NPR3: variants seen among roughly 807,000 people sequenced by gnomAD.
The protein encoded by NPR3 is atrial natriuretic peptide receptor 3.
NPR3 carries 34 observed loss-of-function variants against 54.5 expected under a neutral mutation model. That is an observed-to-expected ratio of 0.62 (90% CI 0.47 to 0.83). The LOEUF is 0.83. Among genes scored for constraint, NPR3 ranks in the 40% least tolerant of loss-of-function variants. The pLI is 0.00. For synonymous variants in NPR3, 289 were observed against 297.1 expected (o/e 0.97, Z 0.28); for missense variants, 674 against 720.8 (o/e 0.94, Z 0.74).
At chr5:32,725,108 A>G (rs1181776983) in intron 2 of NPR3, among the ~76,000 whole-genome samples, 4 of 151,660 alleles carry the variant, frequency 2.6e-5, no homozygotes, top group South Asian at 2.1e-4. Context: ...AACAATAGAC[A>G]CTGGGGACTT....
rs1164214615 is a variant in NPR3 at position 32,727,542 on chromosome 5, A to G, written c.892+2722A>G. 2.0e-5 allele frequency among the ~76,000 whole-genome samples: 3 copies of G among 152,138 alleles called. No homozygotes were observed. The East Asian group carries it at 5.8e-4, about 29-fold the overall frequency. On this transcript the variant is annotated intron_variant, in intron 2 of 7. Coordinates refer to ENST00000265074, the MANE Select transcript of NPR3 (RefSeq NM_001204375.2). Reference sequence around the variant, plus strand: ...TATAATCTTTTACCTTATTTTATTTAATTGAATTTCTTTTTATGTTTATAA... The same window carrying G: ...TATAATCTTTTACCTTATTTTATTTGATTGAATTTCTTTTTATGTTTATAA...
chr5:32,709,160 C>T (rs1738085265), upstream of NPR3, among the ~76,000 whole-genome samples: 1 of 152,028 alleles, frequency 6.6e-6, no homozygotes, highest in Admixed American at 6.6e-5. Flanking sequence ...CCAGACTCTC[C>T]GCATAAACCC....
intron 1 of NPR3, among the ~76,000 whole-genome samples, chr5:32,719,936 T>C (rs1738766169): frequency 6.6e-6 from 1 of 152,184 alleles, no homozygotes; most frequent in African/African-American, 2.4e-5. Flanking sequence ...ATCCCTCTTT[T>C]CCTTCTAAAT....
intron 1 of NPR3, among the ~76,000 whole-genome samples, chr5:32,718,632 T>C (rs1303741702): frequency 2.6e-5 from 4 of 152,248 alleles, no homozygotes; most frequent in Non-Finnish European, 5.9e-5. Flanking sequence ...AGTTCACTTA[T>C]GATTTGGCTC....
chr5:32,782,665 C>G (rs560953395), intron 5 of NPR3, among the ~76,000 whole-genome samples: 1 of 152,252 alleles, frequency 6.6e-6, no homozygotes, highest in African/African-American at 2.4e-5. Context: ...GTGAAGTCCC[C>G]AGAACACACC....
At chr5:32,736,712 G>A (rs527860292) in intron 2 of NPR3, among the ~76,000 whole-genome samples, 1 of 152,274 alleles carries the variant, frequency 6.6e-6, no homozygotes, top group Admixed American at 6.5e-5. Flanking sequence ...GTTTTTGCCT[G>A]CCTGGTGGCT....
rs777029175 is a variant in NPR3, at chr5:32,789,685, T to C, written c.*3340T>C. 2 of 534,764 alleles carry C rather than the reference T, an allele frequency of 3.7e-6. No individual in the cohort carries two copies. Among genetic ancestry groups the C allele is most frequent in the South Asian group, 2.8e-5 (2 of 71,592 alleles). 33.1% of individuals were successfully genotyped at this position (534,764 alleles called of 1,614,324 possible). ...ATGTGCCTTCTTTGCCCCAAATGCA[T>C]CACTTTCCTTTTAGTTATGGCTGAT... On this transcript the variant is annotated 3_prime_UTR_variant, in exon 8 of 8. Coordinates refer to ENST00000265074, the MANE Select transcript of NPR3 (RefSeq NM_001204375.2).
intron 3 of NPR3, among the ~76,000 whole-genome samples, chr5:32,762,675 GTTGT>G (rs1368137583): frequency 1.1e-4 from 16 of 152,064 alleles, no homozygotes; most frequent in African/African-American, 3.4e-4. Context: ...TTTTCATGGG[GTTGT>G]TTGTTTTTTT....
chr5:32,721,196 C>A (rs1738840381), intron 1 of NPR3, among the ~76,000 whole-genome samples: 1 of 152,200 alleles, frequency 6.6e-6, no homozygotes, highest in African/African-American at 2.4e-5. Context: ...TTGGTTCATT[C>A]AAGAAAGACA....
intron 3 of NPR3, among the ~76,000 whole-genome samples, chr5:32,762,136 C>T (rs2112015975): frequency 6.6e-6 from 1 of 152,212 alleles, no homozygotes; most frequent in South Asian, 2.1e-4. Context: ...CCTTTTTTTA[C>T]AGCTGCATAG....
upstream of NPR3, among the ~76,000 whole-genome samples, chr5:32,708,054 T>C (rs1203676389): frequency 2.7e-5 from 4 of 149,658 alleles, no homozygotes; most frequent in African/African-American, 7.3e-5. Context: ...GGATATTAAG[T>C]AAAACATTTC....
At chr5:32,748,611 C>A (rs1740421488) in intron 3 of NPR3, among the ~76,000 whole-genome samples, 1 of 152,148 alleles carries the variant, frequency 6.6e-6, no homozygotes, top group African/African-American at 2.4e-5. Flanking sequence ...GTGCTAGTCT[C>A]CCACCAGTGC....
rs1022882634 is a variant in NPR3 at position 32,790,297 on chromosome 5, A to C, written c.*3952A>C. Reference sequence around the variant, plus strand: ...AATCAGAAGCTTGATCCTCTAACAGAAATAGAAGAGGGTAGCTTTGCCCAT... The same window carrying C: ...AATCAGAAGCTTGATCCTCTAACAGCAATAGAAGAGGGTAGCTTTGCCCAT... On this transcript the variant is annotated 3_prime_UTR_variant, in exon 8 of 8. Coordinates refer to ENST00000265074, the MANE Select transcript of NPR3 (RefSeq NM_001204375.2). The C allele has an allele frequency of 1.2e-5, 2 of 161,006 alleles. No homozygotes were observed. Among genetic ancestry groups the C allele is most frequent in the East Asian group, 3.8e-4 (2 of 5,262 alleles). 10.0% of individuals were successfully genotyped at this position (161,006 alleles called of 1,614,324 possible). A position where few individuals can be genotyped will look rare whatever the true frequency, so the allele number is the denominator to read the frequency against.
chr5:32,759,966 G>A (rs1342313606), intron 3 of NPR3, among the ~76,000 whole-genome samples: 3 of 152,118 alleles, frequency 2.0e-5, no homozygotes, highest in Non-Finnish European at 4.4e-5. Context: ...CGTTTCTGCT[G>A]AGAGATTCGC....
Position 32,786,922 on chromosome 5 carries a change from C to A in NPR3, c.*577C>A, listed in dbSNP as rs974101928. On this transcript the variant is annotated 3_prime_UTR_variant, in exon 8 of 8. Coordinates refer to ENST00000265074, the MANE Select transcript of NPR3 (RefSeq NM_001204375.2). ...TCTTGAAAAAGGATTTCCTCCCTGT[C>A]TTTTTCAGTGTCTCATAAACGCTAC... 1.3e-5 allele frequency: 2 copies of A among 152,128 alleles called. No individual in the cohort carries two copies. Among genetic ancestry groups the A allele is most frequent in the African/African-American group, 4.9e-5 (2 of 40,856 alleles). The allele number at this position is 152,128 out of a possible 1,614,324, so 9.4% of individuals were successfully genotyped here.
chr5:32,742,285 GTT>G (rs1461831572), intron 3 of NPR3, among the ~76,000 whole-genome samples: 2 of 151,946 alleles, frequency 1.3e-5, no homozygotes, highest in African/African-American at 4.8e-5. Context: ...TGACAGTTTT[GTT>G]TCTTTTAAAT....
chr5:32,751,532 G>A (rs779584800), intron 3 of NPR3, among the ~76,000 whole-genome samples: 13 of 152,220 alleles, frequency 8.5e-5, no homozygotes, highest in Non-Finnish European at 1.3e-4. Context: ...TGAGCAGGGG[G>A]TGATTTTATA....
At chr5:32,751,385 T>C (rs1740565992) in intron 3 of NPR3, among the ~76,000 whole-genome samples, 1 of 152,210 alleles carries the variant, frequency 6.6e-6, no homozygotes, top group Non-Finnish European at 1.5e-5. Context: ...ATCCACTCTG[T>C]AGCAATCTCC....
chr5:32,692,736 C>T (rs1243617635), intron 1 of NPR3, among the ~76,000 whole-genome samples: 1 of 152,142 alleles, frequency 6.6e-6, no homozygotes, highest in South Asian at 2.1e-4. Flanking sequence ...TTCCTCATTA[C>T]CTTAAATTTC....
Sources: allele counts gnomAD v4.1 joint callset (sites outside exome capture counted in the v4.1 genomes callset), GRCh38; gene constraint gnomAD v4.1.1; transcripts MANE v1.5; gene names NCBI Gene and HGNC (gene_info 2026-07-23, HGNC 2026-07-21).